NALF1: variants seen among roughly 807,000 people sequenced by gnomAD.
The protein encoded by NALF1 is NALCN channel auxiliary factor 1.
NALF1 carries 3 observed loss-of-function variants against 48.4 expected under a neutral mutation model. The ratio of observed to expected loss-of-function variants is 0.06; its 90% CI spans 0.03 to 0.16. The LOEUF (loss-of-function observed/expected upper bound fraction) is 0.16. Ranked by LOEUF, NALF1 falls within the 10% of genes least tolerant of loss-of-function variation. The pLI, the probability that NALF1 is intolerant of heterozygous loss-of-function variation, is 1.00. For synonymous variants in NALF1, 262 were observed against 245.7 expected (o/e 1.07, Z -0.62); for missense variants, 526 against 571.5 (o/e 0.92, Z 0.81).
At chr13:107,855,568 G>A (rs1408935631) in intron 1 of NALF1, among the ~76,000 whole-genome samples, 1 of 152,120 alleles carries the variant, frequency 6.6e-6, no homozygotes, top group Non-Finnish European at 1.5e-5. Flanking sequence ...ATCCACTCCT[G>A]CTGTTCTCCT....
At chr13:107,702,729 G>A (rs1293841458) in intron 1 of NALF1, among the ~76,000 whole-genome samples, 4 of 151,880 alleles carry the variant, frequency 2.6e-5, no homozygotes, top group South Asian at 2.1e-4. Flanking sequence ...CCCAGTGTGC[G>A]TTTTTCCCCC....
chr13:107,272,801 A>G (rs896440985), intron 1 of NALF1, among the ~76,000 whole-genome samples: 3 of 152,222 alleles, frequency 2.0e-5, no homozygotes, highest in Non-Finnish European at 4.4e-5. Flanking sequence ...CAAGAAAACA[A>G]AGGGTGTAAA....
chr13:107,167,593 AG>A lies in NALF1; in HGVS notation c.*2903del, dbSNP rs1878688994. 6.6e-6 allele frequency: 1 copy of A among 152,244 alleles called. No individual in the cohort carries two copies. Among genetic ancestry groups the A allele is most frequent in the Non-Finnish European group, 1.5e-5 (1 of 68,054 alleles). 9.4% of individuals were successfully genotyped at this position (152,244 alleles called of 1,614,324 possible). On this transcript the variant is annotated 3_prime_UTR_variant, in exon 3 of 3. Transcript: ENST00000375915. ...TAATAAGAATAGATGAACATGACAA[AG>A]AAAATATTCCGCCAGAATTAGAGAC...
chr13:107,782,465 C>T (rs1048061163), intron 1 of NALF1, among the ~76,000 whole-genome samples: 1 of 152,108 alleles, frequency 6.6e-6, no homozygotes, highest in African/African-American at 2.4e-5. Flanking sequence ...AGCCTCTGCC[C>T]GGCCGCCACC....
intron 1 of NALF1, among the ~76,000 whole-genome samples, chr13:107,743,371 T>C (rs1386871054): frequency 7.9e-5 from 12 of 152,224 alleles, no homozygotes; most frequent in Non-Finnish European, 2.9e-5. Flanking sequence ...AGAAACTTAC[T>C]TTCTGGTAAG....
At chr13:107,818,763 T>G (rs890772518) in intron 1 of NALF1, among the ~76,000 whole-genome samples, 4 of 140,288 alleles carry the variant, frequency 2.9e-5, no homozygotes, top group African/African-American at 8.7e-5. Flanking sequence ...TCCCAGCTAC[T>G]CGGGAGGCTG....
intron 1 of NALF1, among the ~76,000 whole-genome samples, chr13:107,791,790 T>C (rs571594979): frequency 6.5e-4 from 95 of 145,974 alleles, no homozygotes; most frequent in South Asian, 1.1e-3. Flanking sequence ...CCCCCCCCCG[T>C]CTCTACTAAA....
At chr13:107,506,991 G>A (rs973447030) in intron 1 of NALF1, among the ~76,000 whole-genome samples, 3 of 151,374 alleles carry the variant, frequency 2.0e-5, no homozygotes, top group African/African-American at 7.3e-5. Context: ...TTAATTATCA[G>A]GAAAAATTAT....
intron 1 of NALF1, among the ~76,000 whole-genome samples, chr13:107,691,572 G>GA (rs540752601): frequency 2.4e-4 from 37 of 152,212 alleles, no homozygotes; most frequent in African/African-American, 6.5e-4. Context: ...AGTCAAATAG[G>GA]ACAGCAACAA....
intron 2 of NALF1, among the ~76,000 whole-genome samples, chr13:107,201,766 A>C (rs1265813164): frequency 1.3e-5 from 2 of 152,166 alleles, no homozygotes; most frequent in African/African-American, 2.4e-5. Flanking sequence ...CTTACACACA[A>C]AAAAAGACTA....
intron 1 of NALF1, among the ~76,000 whole-genome samples, chr13:107,664,400 C>T (rs1452967436): frequency 6.6e-6 from 1 of 152,120 alleles, no homozygotes; most frequent in Admixed American, 6.6e-5. Context: ...ACTCTTGCTA[C>T]GCTTTCCTCA....
rs60721499 is a variant in NALF1, at chr13:107,724,074, C to T, written c.915+141608G>A. ...AAAATTAATTTGCAAAGACGTAATA[C>T]TGCTTACAAAGAACACACAGAAGAT... On this transcript the variant is annotated intron_variant, in intron 1 of 2. Coordinates refer to ENST00000375915, the MANE Select transcript of NALF1 (RefSeq NM_001080396.3). Among the ~76,000 whole-genome samples the T allele has an allele frequency of 2.9e-3, 437 of 152,126 alleles. 1 individual carries two copies. The highest frequency in any genetic ancestry group is 8.5e-3 in the African/African-American group (352 of 41,524).
chr13:107,206,490 C>G (rs1194448034), intron 2 of NALF1, among the ~76,000 whole-genome samples: 1 of 152,158 alleles, frequency 6.6e-6, no homozygotes, highest in East Asian at 1.9e-4. Flanking sequence ...AAATTTGGTA[C>G]ATGGTGATGT....
At chr13:107,513,584 C>T (rs979692299) in intron 1 of NALF1, among the ~76,000 whole-genome samples, 7 of 150,798 alleles carry the variant, frequency 4.6e-5, no homozygotes, top group East Asian at 3.9e-4. Flanking sequence ...TGAAGGTAAA[C>T]GTAATAATAG....
intron 1 of NALF1, among the ~76,000 whole-genome samples, chr13:107,725,583 C>T (rs976179543): frequency 1.2e-4 from 18 of 151,846 alleles, no homozygotes; most frequent in Admixed American, 2.0e-4. Context: ...CAGAGGCGCA[C>T]GCCTGTAGTC....
intron 1 of NALF1, among the ~76,000 whole-genome samples, chr13:107,602,163 T>C (rs1282467448): frequency 3.3e-5 from 5 of 152,166 alleles, no homozygotes; most frequent in Non-Finnish European, 7.3e-5. Context: ...GCTTTAATGA[T>C]CTTATGTAAT....
chr13:107,443,066 T>A (rs1594065636), intron 1 of NALF1, among the ~76,000 whole-genome samples: 1 of 152,142 alleles, frequency 6.6e-6, no homozygotes, highest in South Asian at 2.1e-4. Context: ...TTGTGGTGGG[T>A]TAAAGTGCGA....
chr13:107,686,379 T>TTTA (rs144499963), intron 1 of NALF1, among the ~76,000 whole-genome samples: 10 of 149,882 alleles, frequency 6.7e-5, no homozygotes, highest in South Asian at 2.1e-4. Flanking sequence ...TTATTATTTA[T>TTTA]TTATTATTAT....
rs997049019 is a variant in NALF1 at position 107,866,827 on chromosome 13, C to T, written c.-231G>A. On this transcript the variant is annotated 5_prime_UTR_variant, in exon 1 of 3. Coordinates refer to ENST00000375915, the MANE Select transcript of NALF1 (RefSeq NM_001080396.3). The surrounding 1 kb of genome is among the most constrained non-coding windows in gnomAD (Gnocchi z 4.4). ...TTTTGCCTACATAAATATTACCAGGCTTTGAAGGAAGGTCTGACTTGCTTC... is the reference window on the plus strand; with the variant it reads ...TTTTGCCTACATAAATATTACCAGGTTTTGAAGGAAGGTCTGACTTGCTTC... 8 of 561,116 alleles carry T rather than the reference C, an allele frequency of 1.4e-5. No homozygotes were observed. In the South Asian group the frequency reaches 1.7e-4, roughly 12 times the overall value. The allele number at this position is 561,116 out of a possible 1,614,324, so 34.8% of individuals were successfully genotyped here. A position where few individuals can be genotyped will look rare whatever the true frequency, so the allele number is the denominator to read the frequency against.
Sources: gnomAD v4.1 joint callset for allele counts (sites outside exome capture counted in the v4.1 genomes callset) on GRCh38, gnomAD v4.1.1 for gene constraint, Gnocchi (gnomAD v3.1) non-coding constraint, MANE v1.5 for transcripts, NCBI Gene and HGNC (gene_info 2026-07-23, HGNC 2026-07-21) for gene names.